The following PRKD1 variants were observed in gnomAD, a reference collection of about 807,000 sequenced individuals.
PRKD1 encodes serine/threonine-protein kinase D1.
Under a neutral mutation model 95.9 loss-of-function variants are expected in PRKD1, and 63 were observed. The ratio of observed to expected loss-of-function variants is 0.66; its 90% CI spans 0.54 to 0.81. PRKD1 has a LOEUF of 0.81. Among genes scored for constraint, PRKD1 ranks in the 30% least tolerant of loss-of-function variants. The pLI is 0.00. For missense variants in PRKD1, 1,048 were observed against 1,165.3 expected, an observed-to-expected ratio of 0.90 and a Z score of 1.47; for synonymous variants, 425 against 423.1, an observed-to-expected ratio of 1.00 and a Z score of -0.05.
intron 1 of PRKD1, among the ~76,000 whole-genome samples, chr14:29,726,286 C>A (rs564054772): frequency 6.6e-6 from 1 of 152,246 alleles, no homozygotes; most frequent in African/African-American, 2.4e-5. Flanking sequence ...TGTCAATCCA[C>A]AATCTCATGA....
intron 1 of PRKD1, among the ~76,000 whole-genome samples, chr14:29,836,585 A>AGTAG (rs1205367541): frequency 6.6e-6 from 1 of 152,184 alleles, no homozygotes; most frequent in Non-Finnish European, 1.5e-5. Flanking sequence ...AGTTCGTGTG[A>AGTAG]GTAGGCAGTG....
chr14:29,918,288 C>T (rs1305630022), intron 1 of PRKD1, among the ~76,000 whole-genome samples: 1 of 151,934 alleles, frequency 6.6e-6, no homozygotes. Flanking sequence ...TGTAGGATCA[C>T]CTGCAGTGTT....
At chr14:29,876,978 C>A (rs1304915952) in intron 1 of PRKD1, among the ~76,000 whole-genome samples, 1 of 152,094 alleles carries the variant, frequency 6.6e-6, no homozygotes, top group African/African-American at 2.4e-5. Flanking sequence ...ATGGTGAAAC[C>A]CCGTGTCTAC....
chr14:29,795,004 T>A (rs988677412), intron 1 of PRKD1, among the ~76,000 whole-genome samples: 53 of 152,158 alleles, frequency 3.5e-4, no homozygotes, highest in Non-Finnish European at 8.8e-5. Context: ...TTTACATTTC[T>A]ATAATATTAC....
chr14:29,592,659 T>C (rs946481291), intron 16 of PRKD1: 1 of 152,138 alleles, frequency 6.6e-6, no homozygotes, highest in Non-Finnish European at 1.5e-5. Context: ...TGCCAATCAC[T>C]GTGCTAAGCA....
chr14:29,728,681 G>A (rs1057185175), intron 1 of PRKD1, among the ~76,000 whole-genome samples: 7 of 152,014 alleles, frequency 4.6e-5, no homozygotes, highest in East Asian at 1.9e-4. Flanking sequence ...ACCCACAAAT[G>A]GACATTGTAG....
intron 4 of PRKD1, among the ~76,000 whole-genome samples, chr14:29,641,781 G>A (rs1880782533): frequency 6.6e-6 from 1 of 151,780 alleles, no homozygotes; most frequent in Admixed American, 6.6e-5. Flanking sequence ...ACACCAACTG[G>A]CTATGGAATA....
At chr14:29,801,400 G>A (rs1251728478) in intron 1 of PRKD1, among the ~76,000 whole-genome samples, 1 of 152,166 alleles carries the variant, frequency 6.6e-6, no homozygotes, top group Non-Finnish European at 1.5e-5. Flanking sequence ...CGTGTAGCTA[G>A]CCATCACAGT....
chr14:29,889,397 T>C lies in PRKD1; in HGVS notation c.264+37852A>G, dbSNP rs529325691. Reference sequence around the variant, plus strand: ...CTGGTTGGACAGTAGGTGCAGCCCATGGAGGGCAAGCCAAAGCAGGGTGGG... The same window carrying C: ...CTGGTTGGACAGTAGGTGCAGCCCACGGAGGGCAAGCCAAAGCAGGGTGGG... On this transcript the variant is annotated intron_variant, in intron 1 of 17. Transcript: ENST00000331968. 2.8e-4 allele frequency among the ~76,000 whole-genome samples: 42 copies of C among 152,174 alleles called. No individual in the cohort carries two copies. The Middle Eastern group carries it at 0.017, about 62-fold the overall frequency.
intron 1 of PRKD1, among the ~76,000 whole-genome samples, chr14:29,749,191 T>C (rs1302001771): frequency 2.0e-5 from 3 of 152,206 alleles, no homozygotes; most frequent in African/African-American, 7.2e-5. Context: ...ATTCTGCTGT[T>C]ATCTTAGACC....
At chr14:29,654,213 C>T (rs1020639579) in intron 4 of PRKD1, among the ~76,000 whole-genome samples, 3 of 151,628 alleles carry the variant, frequency 2.0e-5, no homozygotes, top group African/African-American at 7.3e-5. Flanking sequence ...ATTCTATCAC[C>T]CAGGCTGGAG....
chr14:29,848,490 GAAGGAACTTGAA>G (rs1038148767), intron 1 of PRKD1, among the ~76,000 whole-genome samples: 2 of 151,762 alleles, frequency 1.3e-5, no homozygotes, highest in African/African-American at 2.4e-5. Context: ...TGCAGGCTCA[GAAGGAACTTGAA>G]AAGACCTTAA....
chr14:29,753,343 T>C (rs1305536011), intron 1 of PRKD1, among the ~76,000 whole-genome samples: 1 of 152,134 alleles, frequency 6.6e-6, no homozygotes, highest in Non-Finnish European at 1.5e-5. Flanking sequence ...GCTTATTTTC[T>C]CCACATTTTT....
chr14:29,762,013 C>T (rs998534924), intron 1 of PRKD1, among the ~76,000 whole-genome samples: 1 of 151,970 alleles, frequency 6.6e-6, no homozygotes, highest in African/African-American at 2.4e-5. Flanking sequence ...CTCAAATAAT[C>T]CTGCTGCCTT....
intron 2 of PRKD1, among the ~76,000 whole-genome samples, chr14:29,725,232 C>T (rs1175119792): frequency 6.6e-6 from 1 of 152,176 alleles, no homozygotes; most frequent in Non-Finnish European, 1.5e-5. Flanking sequence ...TTCTTGTTTG[C>T]TTTTGCTGCT....
chr14:29,598,986 C>T, intron 15 of PRKD1, 41 bp downstream of exon 15: 1 of 1,513,210 alleles, frequency 6.6e-7, no homozygotes, highest in Non-Finnish European at 9.2e-7. Context: ...GCTAGCAATG[C>T]TTCCAACTGG....
chr14:29,731,966 T>A (rs576175421), intron 1 of PRKD1, among the ~76,000 whole-genome samples: 24 of 151,950 alleles, frequency 1.6e-4, no homozygotes, highest in African/African-American at 5.6e-4. Context: ...CTCCAACTCC[T>A]GGGTTCAAGT....
At chr14:29,880,099 A>G (rs1893446855) in intron 1 of PRKD1, among the ~76,000 whole-genome samples, 2 of 152,240 alleles carry the variant, frequency 1.3e-5, no homozygotes, top group South Asian at 4.1e-4. Flanking sequence ...ATAAGTAGCA[A>G]GGAGCCTAAT....
intron 1 of PRKD1, among the ~76,000 whole-genome samples, chr14:29,753,771 G>A (rs987070834): frequency 8.6e-5 from 13 of 152,016 alleles, no homozygotes; most frequent in African/African-American, 3.1e-4. Context: ...AGGTACATAA[G>A]TCCATAGCCT....
Sources: gnomAD v4.1 joint callset for allele counts (sites outside exome capture counted in the v4.1 genomes callset) on GRCh38, gnomAD v4.1.1 for gene constraint, MANE v1.5 for transcripts, NCBI Gene and HGNC (gene_info 2026-07-23, HGNC 2026-07-21) for gene names.